GABRA1: variants seen among roughly 807,000 people sequenced by gnomAD.
The protein encoded by GABRA1 is gamma-aminobutyric acid type A receptor subunit alpha1.
In GABRA1, 9 loss-of-function variants were observed where a neutral mutation model predicts 48.9. The observed-to-expected ratio is 0.18, with a 90% confidence interval of 0.11 to 0.32. The LOEUF is 0.32. Among genes scored for constraint, GABRA1 ranks in the 10% least tolerant of loss-of-function variants. GABRA1 has a pLI of 1.00. For missense variants in GABRA1, 285 were observed against 553.8 expected (o/e 0.51, Z 4.87); for synonymous variants, 210 against 198.7 (o/e 1.06, Z -0.48).
At position 161,897,267 on chromosome 5, in the gene GABRA1, C is replaced by A; in HGVS notation, c.1216C>A (p.Pro406Thr). 6.2e-7 allele frequency: 1 copy of A among 1,614,162 alleles called. No individual in the cohort carries two copies. The highest frequency in any genetic ancestry group is 8.5e-7 in the Non-Finnish European group (1 of 1,180,000). The stretch of plus-strand genomic sequence containing the variant: ...TAAAGAGGTCAAGCCCGAAACAAAA[C>A]CACCAGAACCCAAGAAAACCTTTAA... ...EPKEVKPETK[P>T]PEPKKTFNSV... The change falls in exon 10 of 10, where the codon CCA becomes ACA. Residue 406 changes from proline (P) to threonine (T), a missense_variant. By Grantham distance (38) the Pro-to-Thr change is conservative. Around this residue, in one of 6 missense-constraint regions of GABRA1, gnomAD observed 99 missense variants for 94.2 expected, o/e 1.05. Transcript: ENST00000393943.
At chr5:161,886,381 C>T (rs1242732746) in intron 7 of GABRA1, among the ~76,000 whole-genome samples, 2 of 150,412 alleles carry the variant, frequency 1.3e-5, no homozygotes, top group African/African-American at 4.9e-5. Context: ...TTTTCATGAG[C>T]TATTGTGAGA....
chr5:161,848,511 G>C (rs1305578147), intron 1 of GABRA1, 89 bp downstream of exon 1: 37 of 93,010 alleles, frequency 4.0e-4, no homozygotes, highest in Admixed American at 3.0e-3. Context: ...TAGTCGGGGG[G>C]GGGGGGCGGG....
chr5:161,881,382 C>T (rs1754606742), intron 6 of GABRA1, among the ~76,000 whole-genome samples: 1 of 152,124 alleles, frequency 6.6e-6, no homozygotes, highest in Non-Finnish European at 1.5e-5. Flanking sequence ...TTCTCTTTCT[C>T]TCTCACTCTA....
intron 3 of GABRA1, among the ~76,000 whole-genome samples, chr5:161,863,157 GTA>G (rs142805282): frequency 4.0e-5 from 6 of 150,394 alleles, no homozygotes; most frequent in African/African-American, 4.9e-5. Flanking sequence ...TAGTATTTGT[GTA>G]TATATATATA....
Position 161,882,867 on chromosome 5 carries a change from G to C in GABRA1, c.703+166G>C, listed in dbSNP as rs188959399. On this transcript the variant is annotated intron_variant, in intron 7 of 9. Coordinates refer to ENST00000393943, the MANE Select transcript of GABRA1 (RefSeq NM_001127644.2). The stretch of plus-strand genomic sequence containing the variant: ...GTAAACTCGGTAGACCTGTGACCTT[G>C]GACATGTCATTTAATGCCTCTTGGC... 3.9e-5 allele frequency among the ~76,000 whole-genome samples: 6 copies of C among 152,252 alleles called. No individual in the cohort carries two copies. In the East Asian group the frequency reaches 1.2e-3, roughly 29 times the overall value.
At chr5:161,873,868 GT>G (rs772860420) in intron 5 of GABRA1, among the ~76,000 whole-genome samples, 16 of 152,046 alleles carry the variant, frequency 1.1e-4, no homozygotes, top group Non-Finnish European at 2.1e-4. Flanking sequence ...ATACATTTCT[GT>G]TTTATAAACA....
intron 3 of GABRA1, among the ~76,000 whole-genome samples, chr5:161,865,024 G>C (rs780677760): frequency 6.6e-6 from 1 of 151,854 alleles, no homozygotes; most frequent in African/African-American, 2.4e-5. Flanking sequence ...AAATGTCTGT[G>C]TTCAGTTATT....
intron 3 of GABRA1, among the ~76,000 whole-genome samples, chr5:161,860,346 C>G (rs866050526): frequency 6.6e-6 from 1 of 151,710 alleles, no homozygotes; most frequent in Non-Finnish European, 1.5e-5. Flanking sequence ...TCTTTCTGTG[C>G]CTGCCTTATT....
chr5:161,887,337 TA>T (rs1754894157), intron 7 of GABRA1, among the ~76,000 whole-genome samples: 7 of 151,980 alleles, frequency 4.6e-5, no homozygotes, highest in Admixed American at 4.6e-4. Flanking sequence ...GACTATGGAG[TA>T]ACATTGGTGA....
At position 161,897,344 on chromosome 5, in the gene GABRA1, T is replaced by G; in HGVS notation, c.1293T>G (p.Phe431Leu). ...CAAGAATAGCCTTCCCGCTGCTATT[T>G]GGAATCTTTAACTTAGTCTACTGGG... Reference protein sequence around the residue: ...RLSRIAFPLLFGIFNLVYWAT... With the variant: ...RLSRIAFPLLLGIFNLVYWAT... The change falls in exon 10 of 10, where the codon TTT (phenylalanine) becomes TTG (leucine). Residue 431 changes from phenylalanine to leucine, a missense_variant. This residue lies in a region of GABRA1 where 6 missense variants were observed against 22.0 expected (regional missense o/e 0.27). Coordinates refer to ENST00000393943, the MANE Select transcript of GABRA1 (RefSeq NM_001127644.2). 6.2e-7 allele frequency: 1 copy of G among 1,614,208 alleles called. No individual in the cohort carries two copies. Among genetic ancestry groups the G allele is most frequent in the Non-Finnish European group, 8.5e-7 (1 of 1,180,006 alleles).
intron 7 of GABRA1, among the ~76,000 whole-genome samples, chr5:161,883,231 A>G (rs1241795857): frequency 2.6e-5 from 4 of 152,134 alleles, no homozygotes; most frequent in African/African-American, 9.7e-5. Context: ...CCTTCTACAA[A>G]TTCGTTTGTA....
chr5:161,890,974 AT>A lies in GABRA1; in HGVS notation c.781del (p.Cys261AlafsTer2). On this transcript the variant is annotated frameshift_variant, in exon 8 of 10. Coordinates refer to ENST00000393943, the MANE Select transcript of GABRA1 (RefSeq NM_001127644.2). LOFTEE classifies it high-confidence loss of function. ...GYFVIQTYLP[C>X]IMTVILSQVS... is the part of the protein sequence containing the mutation. ...ACTTTGTTATTCAAACATACCTGCC[AT>A]GCATAATGACAGTGATTCTCTCACA... is the stretch of plus-strand genomic sequence containing the variant. The A allele has an allele frequency of 6.2e-7, 1 of 1,613,528 alleles. No homozygotes were observed. The highest frequency in any genetic ancestry group is 8.5e-7 in the Non-Finnish European group (1 of 1,179,446).
intron 8 of GABRA1, among the ~76,000 whole-genome samples, chr5:161,892,473 C>T (rs1020723248): frequency 3.3e-5 from 5 of 152,214 alleles, no homozygotes; most frequent in African/African-American, 1.2e-4. Flanking sequence ...CAAATCATTG[C>T]TCCGACAATT....
At position 161,882,589 on chromosome 5, in the gene GABRA1, A is replaced by G; in HGVS notation, c.591A>G (p.Glu197=). ...YAYTRAEVVY[E]WTREPARSVV... Reference sequence around the variant, plus strand: ...ATACAAGAGCAGAAGTTGTTTATGAATGGACCAGAGAGCCAGCACGCTCAG... The same window carrying G: ...ATACAAGAGCAGAAGTTGTTTATGAGTGGACCAGAGAGCCAGCACGCTCAG... Residue 197 remains glutamate (E), a synonymous_variant, in exon 7 of 10, where the codon GAA becomes GAG. Coordinates refer to ENST00000393943, the MANE Select transcript of GABRA1 (RefSeq NM_001127644.2). 1.2e-6 allele frequency: 2 copies of G among 1,613,608 alleles called. No homozygotes were observed. Among genetic ancestry groups the G allele is most frequent in the South Asian group, 1.1e-5 (1 of 91,076 alleles).
chr5:161,881,029 T>C (rs1416780582), intron 6 of GABRA1, among the ~76,000 whole-genome samples: 1 of 152,224 alleles, frequency 6.6e-6, no homozygotes, highest in Non-Finnish European at 1.5e-5. Context: ...GCTACAAAGA[T>C]GAATATAATC....
chr5:161,889,934 A>G (rs762301191), intron 7 of GABRA1, among the ~76,000 whole-genome samples: 6 of 152,094 alleles, frequency 3.9e-5, no homozygotes, highest in African/African-American at 7.2e-5. Flanking sequence ...AGAATCGCAC[A>G]TGTGAAAGAT....
At chr5:161,862,893 C>A (rs1757916585) in intron 3 of GABRA1, among the ~76,000 whole-genome samples, 1 of 151,852 alleles carries the variant, frequency 6.6e-6, no homozygotes, top group African/African-American at 2.4e-5. Context: ...TAAAGTATTG[C>A]ACCTAAAATC....
intron 3 of GABRA1, among the ~76,000 whole-genome samples, chr5:161,860,212 C>G (rs76070583): frequency 0.01 from 1,592 of 151,902 alleles, 28 homozygotes; most frequent in African/African-American, 0.036. Context: ...AACTGAGCTA[C>G]CCAAAGGAAT....
chr5:161,880,120 C>T (rs1754548991), intron 6 of GABRA1, among the ~76,000 whole-genome samples: 1 of 152,146 alleles, frequency 6.6e-6, no homozygotes, highest in Non-Finnish European at 1.5e-5. Context: ...GAACGGCATC[C>T]TAAGTCTTTA....
Sources: gnomAD v4.1 joint callset for allele counts (sites outside exome capture counted in the v4.1 genomes callset) on GRCh38, gnomAD v4.1.1 for gene constraint, gnomAD v4.1.1 regional missense constraint, MANE v1.5 for transcripts, NCBI Gene and HGNC (gene_info 2026-07-23, HGNC 2026-07-21) for gene names.